CAPN14: variants seen among roughly 807,000 people sequenced by gnomAD.
The protein encoded by CAPN14 is calpain 14, also known as calpain-14.
In CAPN14, 94 loss-of-function variants were observed where a neutral mutation model predicts 101.3. The ratio of observed to expected loss-of-function variants is 0.93; its 90% CI spans 0.79 to 1.10. The LOEUF (loss-of-function observed/expected upper bound fraction) is 1.10, where lower values mean the gene tolerates loss of function less well. Ranked by LOEUF, CAPN14 falls within the 50% of genes least tolerant of loss-of-function variation. The pLI, the probability that CAPN14 is intolerant of heterozygous loss-of-function variation, is 0.00. For synonymous variants in CAPN14, 338 were observed against 317.9 expected, an observed-to-expected ratio of 1.06 and a Z score of -0.67; for missense variants, 837 against 828.4, an observed-to-expected ratio of 1.01 and a Z score of -0.13.
intron 2 of CAPN14, among the ~76,000 whole-genome samples, chr2:31,224,305 CACATACAAAT>C (rs1558640427): frequency 6.6e-6 from 1 of 152,060 alleles, no homozygotes; most frequent in Non-Finnish European, 1.5e-5. Context: ...GGCTTCTATA[CACATACAAAT>C]ATATATGTCT....
chr2:31,231,464 T>C (rs1188520018), intron 1 of CAPN14, among the ~76,000 whole-genome samples: 1 of 152,248 alleles, frequency 6.6e-6, no homozygotes, highest in Non-Finnish European at 1.5e-5. Context: ...TTTGTCAGAT[T>C]TATCCGTAAG....
At position 31,209,308 on chromosome 2, in the gene CAPN14, G is replaced by A. The variant is rs539390388; in HGVS notation, c.-52-3809C>T. Among the ~76,000 whole-genome samples the A allele has an allele frequency of 1.2e-4, 19 of 152,110 alleles. No individual in the cohort carries two copies. The South Asian group carries it at 4.0e-3, about 32-fold the overall frequency. On this transcript the variant is annotated intron_variant, in intron 1 of 21. Coordinates refer to ENST00000403897, the MANE Select transcript of CAPN14 (RefSeq NM_001145122.2). Reference sequence around the variant, plus strand: ...TATTTATACTCAGGAAGTAAACAGAGAGTCAGGCTTTGATCTTCACTTCTT... The same window carrying A: ...TATTTATACTCAGGAAGTAAACAGAAAGTCAGGCTTTGATCTTCACTTCTT...
At position 31,189,307 on chromosome 2, in the gene CAPN14, C is replaced by G; in HGVS notation, c.1459G>C (p.Val487Leu). Residue 487 changes from valine (V) to leucine (L), a missense_variant, in exon 13 of 22, where the codon GTC becomes CTC. Physicochemically the swap from Val to Leu is conservative, Grantham distance 32. Coordinates refer to ENST00000403897, the MANE Select transcript of CAPN14 (RefSeq NM_001145122.2). The stretch of plus-strand genomic sequence containing the variant: ...TGCTTCCTGGAGAAGACCCTGAGGA[C>G]GAACTCTGACTTCTGGTGGGCCTCC... ...ILEAHQKSEFVLRVFSRKHIF... is the reference protein window; with the variant it reads ...ILEAHQKSEFLLRVFSRKHIF... The G allele has an allele frequency of 6.4e-7, 1 of 1,551,588 alleles. No individual in the cohort carries two copies. Among genetic ancestry groups the G allele is most frequent in the Non-Finnish European group, 8.7e-7 (1 of 1,147,006 alleles).
intron 16 of CAPN14, among the ~76,000 whole-genome samples, chr2:31,185,964 T>C (rs12105593): frequency 0.33 from 50,760 of 152,052 alleles, 10,051 homozygotes; most frequent in African/African-American, 0.55. Context: ...CTCACGCTAC[T>C]CATTTGCAAT....
chr2:31,207,899 T>A (rs915387410), intron 1 of CAPN14, among the ~76,000 whole-genome samples: 23 of 152,294 alleles, frequency 1.5e-4, no homozygotes, highest in Non-Finnish European at 3.1e-4. Flanking sequence ...GTTGGTGGAG[T>A]GGCCCCACTG....
At chr2:31,227,052 T>C (rs893713618) in intron 1 of CAPN14, among the ~76,000 whole-genome samples, 1 of 152,176 alleles carries the variant, frequency 6.6e-6, no homozygotes, top group African/African-American at 2.4e-5. Flanking sequence ...GAAACACCTG[T>C]GCTACAAAAG....
intron 1 of CAPN14, among the ~76,000 whole-genome samples, chr2:31,208,741 G>A (rs894357691): frequency 6.6e-6 from 1 of 152,152 alleles, no homozygotes; most frequent in Admixed American, 6.5e-5. Context: ...TCTCTACAAA[G>A]GGCCAGATGG....
chr2:31,191,553 A>C, intron 11 of CAPN14, 146 bp from the exon 12 acceptor site: 1 of 717,716 alleles, frequency 1.4e-6, no homozygotes, highest in Non-Finnish European at 2.3e-6. Context: ...CCCCTCCCAC[A>C]AGACCTGCTG....
In CAPN14 at chr2:31,192,073, G is replaced by A. The variant is rs1187849262; in HGVS notation, c.1140C>T (p.Phe380=). ...LQDTFWKNPQ[F]LLSVWRPEEG... The stretch of plus-strand genomic sequence containing the variant: ...CCTCGGGCCTCCAGACAGACAGCAG[G>A]AACTGCGGGTTCTTCCAAAATGTGT... The change falls in exon 11 of 22, where the codon TTC becomes TTT. Residue 380 remains phenylalanine (F), a synonymous_variant. Coordinates refer to ENST00000403897, the MANE Select transcript of CAPN14 (RefSeq NM_001145122.2). 4 of 1,550,164 alleles carry A rather than the reference G, an allele frequency of 2.6e-6. No homozygotes were observed. The highest frequency in any genetic ancestry group is 2.4e-5 in the East Asian group (1 of 40,926).
chr2:31,192,210 T>C, intron 10 of CAPN14, 112 bp from the exon 11 acceptor site: 2 of 1,221,456 alleles, frequency 1.6e-6, no homozygotes, highest in South Asian at 1.7e-5. Flanking sequence ...ATTGACACCC[T>C]GAGGCCCACT....
chr2:31,186,541 T>C, intron 15 of CAPN14, 56 bp from the exon 16 acceptor site: 1 of 1,327,840 alleles, frequency 7.5e-7, no homozygotes, highest in South Asian at 1.3e-5. Context: ...GCTCATTAGA[T>C]GGCAGAGGGG....
intron 12 of CAPN14, 54 bp downstream of exon 12, chr2:31,191,345 G>T: frequency 6.6e-7 from 1 of 1,517,892 alleles, no homozygotes; most frequent in Non-Finnish European, 8.9e-7. Context: ...TGGAGGCTTG[G>T]CCACATGTGA....
intron 7 of CAPN14, 141 bp from the exon 8 acceptor site, chr2:31,197,475 C>T (rs1372516219): frequency 3.3e-6 from 2 of 612,270 alleles, no homozygotes; most frequent in Non-Finnish European, 5.9e-6. Flanking sequence ...GAAAGTGGCT[C>T]TGCTTCTTGT....
intron 18 of CAPN14, 105 bp from the exon 19 acceptor site, chr2:31,177,926 T>C (rs1328985004): frequency 7.6e-6 from 6 of 786,186 alleles, no homozygotes; most frequent in Non-Finnish European, 1.3e-5. Flanking sequence ...GTTGAAGATA[T>C]CTGAGGCTCC....
At position 31,201,840 on chromosome 2, in the gene CAPN14, GA is replaced by G. The variant is rs781048849; in HGVS notation, c.551+21del. The G allele has an allele frequency of 1.3e-3, 2,042 of 1,548,944 alleles. 1 individual carries two copies. The highest frequency in any genetic ancestry group is 1.7e-3 in the Non-Finnish European group (1,893 of 1,144,644). On this transcript the variant is annotated intron_variant, in intron 5 of 21. Transcript: ENST00000403897. ...GAGAAAAAGAAGCGATGGGAAGGGG[GA>G]TATTTCTGCCGGTTTCTTACTTGGC...
intron 18 of CAPN14, 55 bp downstream of exon 18, chr2:31,178,456 G>T: frequency 7.4e-7 from 1 of 1,346,760 alleles, no homozygotes; most frequent in Non-Finnish European, 1.0e-6. Flanking sequence ...CAGCTTTGCA[G>T]AACTGCCATT....
upstream of CAPN14, among the ~76,000 whole-genome samples, chr2:31,220,015 T>C (rs929360096): frequency 2.6e-5 from 4 of 152,178 alleles, no homozygotes; most frequent in Non-Finnish European, 5.9e-5. Context: ...TTCCCTCTAA[T>C]CAAAATTCTC....
chr2:31,208,313 G>A (rs1682210234), intron 1 of CAPN14, among the ~76,000 whole-genome samples: 1 of 152,098 alleles, frequency 6.6e-6, no homozygotes, highest in African/African-American at 2.4e-5. Context: ...CAAAGGCAAG[G>A]TCTCCCTTTT....
At chr2:31,197,851 G>T (rs1324936759) in intron 7 of CAPN14, among the ~76,000 whole-genome samples, 2 of 152,160 alleles carry the variant, frequency 1.3e-5, no homozygotes, top group African/African-American at 4.8e-5. Flanking sequence ...GGAAGGTGGA[G>T]GAGGCAAGAA....
Sources: allele counts gnomAD v4.1 joint callset (sites outside exome capture counted in the v4.1 genomes callset), GRCh38; gene constraint gnomAD v4.1.1; transcripts MANE v1.5; gene names NCBI Gene and HGNC (gene_info 2026-07-23, HGNC 2026-07-21).